The following UTP6 variants were observed in gnomAD, a reference collection of about 807,000 sequenced individuals.
The protein encoded by UTP6 is U3 small nucleolar RNA-associated protein 6 homolog.
Under a neutral mutation model 96.5 loss-of-function variants are expected in UTP6, and 60 were observed. That is an observed-to-expected ratio of 0.62 (90% confidence interval 0.51 to 0.77). The LOEUF (loss-of-function observed/expected upper bound fraction) is 0.77, where lower values mean the gene tolerates loss of function less well. Among genes scored for constraint, UTP6 ranks in the 30% least tolerant of loss-of-function variants. UTP6 has a pLI of 0.00. For missense variants in UTP6, 637 were observed against 706.5 expected, an observed-to-expected ratio of 0.90 and a Z score of 1.12; for synonymous variants, 215 against 240.1, an observed-to-expected ratio of 0.90 and a Z score of 0.96.
At chr17:31,884,338 TTTCTC>T in intron 10 of UTP6, 81 bp downstream of exon 10, 1 of 1,111,840 alleles carries the variant, frequency 9.0e-7, no homozygotes, top group Non-Finnish European at 1.3e-6. Flanking sequence ...TGGTATCTTC[TTTCTC>T]TTCTACTAAA....
intron 2 of UTP6, among the ~76,000 whole-genome samples, chr17:31,896,526 A>G (rs958684152): frequency 1.3e-5 from 2 of 151,552 alleles, no homozygotes; most frequent in African/African-American, 4.9e-5. Context: ...TTTCTTCTCG[A>G]TTTACAGTTC....
intron 16 of UTP6, among the ~76,000 whole-genome samples, chr17:31,872,528 T>C (rs1910235160): frequency 6.6e-6 from 1 of 151,088 alleles, no homozygotes; most frequent in South Asian, 2.1e-4. Flanking sequence ...TGTTTTAAGT[T>C]AGCTGGACAT....
intron 17 of UTP6, among the ~76,000 whole-genome samples, chr17:31,865,934 CACAACT>C (rs1909785796): frequency 6.6e-6 from 1 of 152,116 alleles, no homozygotes; most frequent in African/African-American, 2.4e-5. Flanking sequence ...TATCTCTTAG[CACAACT>C]ATAAGTATTA....
intron 10 of UTP6, 47 bp from the exon 11 acceptor site, chr17:31,880,801 CTCAGAATA>C: frequency 6.2e-7 from 1 of 1,608,284 alleles, no homozygotes; most frequent in African/African-American, 1.3e-5. Flanking sequence ...AAGAAACTGA[CTCAGAATA>C]TCAGAGAAAC....
intron 2 of UTP6, among the ~76,000 whole-genome samples, chr17:31,897,293 A>AG (rs1388239413): frequency 2.6e-5 from 4 of 151,938 alleles, no homozygotes; most frequent in Non-Finnish European, 5.9e-5. Flanking sequence ...AAAAAAAAAA[A>AG]TCTATTTTTG....
At chr17:31,868,220 G>C (rs1909941279) in intron 16 of UTP6, 108 bp from the exon 17 acceptor site, 1 of 917,072 alleles carries the variant, frequency 1.1e-6, no homozygotes, top group Non-Finnish European at 1.6e-6. Context: ...GTTTAATAAA[G>C]ACTTGACTTC....
Position 31,894,365 on chromosome 17 carries a change from A to G in UTP6, c.312+280T>C, listed in dbSNP as rs189265006. ...CTAGCTCTAAGTCTTCAGTGTACTT[A>G]CAAATATATACAAATATCTCCCAAA... On this transcript the variant is annotated intron_variant, in intron 4 of 18. Coordinates refer to ENST00000261708, the MANE Select transcript of UTP6 (RefSeq NM_018428.3). 5.3e-5 allele frequency among the ~76,000 whole-genome samples: 8 copies of G among 151,930 alleles called. No individual in the cohort carries two copies. In the East Asian group the frequency reaches 1.5e-3, roughly 29 times the overall value.
chr17:31,882,408 C>T, intron 10 of UTP6, among the ~76,000 whole-genome samples: 1 of 151,602 alleles, frequency 6.6e-6, no homozygotes, highest in Admixed American at 6.6e-5. Context: ...GCAACCTCCA[C>T]CTTCCAGGTT....
rs753331552 is a variant in UTP6, at chr17:31,889,272, C to T, written c.543+13G>A. Reference sequence around the variant, plus strand: ...AAACATCACTGTCTCATCCTATGTGCATACACACTCACTTCTTTATAAAGT... The same window carrying T: ...AAACATCACTGTCTCATCCTATGTGTATACACACTCACTTCTTTATAAAGT... On this transcript the variant is annotated intron_variant, in intron 7 of 18. Coordinates refer to ENST00000261708, the MANE Select transcript of UTP6 (RefSeq NM_018428.3). 1.9e-6 allele frequency: 3 copies of T among 1,591,974 alleles called. No individual in the cohort carries two copies. The East Asian group carries it at 6.7e-5, about 36-fold the overall frequency.
intron 8 of UTP6, 137 bp from the exon 9 acceptor site, chr17:31,886,198 T>A (rs1335802821): frequency 1.7e-5 from 11 of 659,218 alleles, no homozygotes; most frequent in Non-Finnish European, 2.6e-5. Context: ...GCCAGTTCCC[T>A]CACTTGTAAA....
intron 9 of UTP6, 40 bp from the exon 10 acceptor site, chr17:31,884,545 T>C (rs1040272782): frequency 1.4e-6 from 2 of 1,468,482 alleles, no homozygotes; most frequent in East Asian, 2.3e-5. Context: ...TTATTGCCAA[T>C]AAGAATCACT....
intron 16 of UTP6, among the ~76,000 whole-genome samples, chr17:31,870,320 C>A (rs2142291760): frequency 6.6e-6 from 1 of 152,184 alleles, no homozygotes; most frequent in African/African-American, 2.4e-5. Flanking sequence ...TGCAGCCTTG[C>A]CAATATCTAT....
chr17:31,865,173 G>T (rs1004245690), intron 18 of UTP6, among the ~76,000 whole-genome samples, 193 bp downstream of exon 18: 1 of 152,126 alleles, frequency 6.6e-6, no homozygotes. Context: ...GCACCACCAT[G>T]TCCAGCTAAT....
chr17:31,876,550 A>C (rs928324316), intron 13 of UTP6, among the ~76,000 whole-genome samples: 1 of 150,838 alleles, frequency 6.6e-6, no homozygotes, highest in African/African-American at 2.4e-5. Flanking sequence ...AGGCTGAGTC[A>C]GGAGAATTGC....
chr17:31,897,909 C>T (rs1200823025), intron 2 of UTP6, among the ~76,000 whole-genome samples: 1 of 152,128 alleles, frequency 6.6e-6, no homozygotes, highest in Non-Finnish European at 1.5e-5. Flanking sequence ...AAAAATCTTG[C>T]AGTACACCTC....
Position 31,886,065 on chromosome 17 carries a change from A to G in UTP6, c.622-4T>C, listed in dbSNP as rs1302299095. 6.2e-7 allele frequency: 1 copy of G among 1,611,208 alleles called. No individual in the cohort carries two copies. Among genetic ancestry groups the G allele is most frequent in the Non-Finnish European group, 8.5e-7 (1 of 1,179,372 alleles). ...CTTCAGAATAATCAGGATTCTCCTAAAGAGTGTTATATCAAACGTAACTTA... is the reference window on the plus strand; with the variant it reads ...CTTCAGAATAATCAGGATTCTCCTAGAGAGTGTTATATCAAACGTAACTTA... On this transcript the variant is annotated splice_region_variant and splice_polypyrimidine_tract_variant and intron_variant, in intron 8 of 18. Transcript: ENST00000261708.
Position 31,886,059 on chromosome 17 carries a change from C to A in UTP6, c.624G>T (p.Glu208Asp). 6.2e-7 allele frequency: 1 copy of A among 1,612,410 alleles called. No homozygotes were observed. The highest frequency in any genetic ancestry group is 2.2e-5 in the East Asian group (1 of 44,870). Residue 208 changes from glutamate (E) to aspartate (D), a missense_variant and splice_region_variant, in exon 9 of 19, where the codon GAG becomes GAT. Physicochemically the swap from Glu to Asp is conservative, Grantham distance 45. Coordinates refer to ENST00000261708, the MANE Select transcript of UTP6 (RefSeq NM_018428.3). ...GGATTTCTTCAGAATAATCAGGATT[C>A]TCCTAAAGAGTGTTATATCAAACGT... ...EEFEKASMDVENPDYSEEILK... is the reference protein window; with the variant it reads ...EEFEKASMDVDNPDYSEEILK...
At chr17:31,865,332 A>G (rs753698625) in intron 18 of UTP6, 34 bp downstream of exon 18, 1 of 1,604,518 alleles carries the variant, frequency 6.2e-7, no homozygotes, top group Non-Finnish European at 8.5e-7. Flanking sequence ...TGTTCTAACC[A>G]TACTAATTGG....
chr17:31,884,533 G>T, intron 9 of UTP6, 28 bp from the exon 10 acceptor site: 1 of 1,396,556 alleles, frequency 7.2e-7, no homozygotes, highest in Non-Finnish European at 1.0e-6. Context: ...GGGAGGGGAA[G>T]TTTATTGCCA....
Sources: gnomAD v4.1 joint callset for allele counts (sites outside exome capture counted in the v4.1 genomes callset) on GRCh38, gnomAD v4.1.1 for gene constraint, MANE v1.5 for transcripts, NCBI Gene and HGNC (gene_info 2026-07-23, HGNC 2026-07-21) for gene names.